CFAP44: variants seen among roughly 807,000 people sequenced by gnomAD.
CFAP44 encodes the protein cilia- and flagella-associated protein 44.
Under a neutral mutation model 216.2 loss-of-function variants are expected in CFAP44, and 134 were observed. The ratio of observed to expected loss-of-function variants is 0.62; its 90% CI spans 0.54 to 0.72. The LOEUF is 0.72. Among genes scored for constraint, CFAP44 ranks in the 30% least tolerant of loss-of-function variants. The pLI is 0.00. For synonymous variants in CFAP44, 700 were observed against 727.6 expected (o/e 0.96, Z 0.61); for missense variants, 2,035 against 2,182.1 (o/e 0.93, Z 1.34).
intron 5 of CFAP44, among the ~76,000 whole-genome samples, chr3:113,418,060 T>G (rs1408298249): frequency 6.9e-6 from 1 of 145,566 alleles, no homozygotes; most frequent in Non-Finnish European, 1.6e-5. Flanking sequence ...GAGACACAAT[T>G]TATTTATTTA....
chr3:113,353,394 G>C (rs1484165517), intron 22 of CFAP44, among the ~76,000 whole-genome samples: 3 of 149,404 alleles, frequency 2.0e-5, no homozygotes, highest in Non-Finnish European at 4.4e-5. Flanking sequence ...ATAAAATAAA[G>C]AACAGCCATG....
In CFAP44 at chr3:113,303,964, GTCTC is replaced by G; in HGVS notation, c.5025_5028del (p.Glu1675AspfsTer12). 6.5e-7 allele frequency: 1 copy of G among 1,537,544 alleles called. No individual in the cohort carries two copies. The highest frequency in any genetic ancestry group is 8.7e-7 in the Non-Finnish European group (1 of 1,147,008). On this transcript the variant is annotated frameshift_variant, in exon 32 of 35. Coordinates refer to ENST00000393845, the MANE Select transcript of CFAP44 (RefSeq NM_001164496.2). LOFTEE classifies it high-confidence loss of function. ...CTCTTTTCTCGGATGAGCTGTTTAC[GTCTC>G]TCTCTCCATTCTTTGTTAAGTTTTT...
chr3:113,303,601 C>T (rs747283841), intron 32 of CFAP44, among the ~76,000 whole-genome samples: 4 of 152,080 alleles, frequency 2.6e-5, no homozygotes, highest in Non-Finnish European at 2.9e-5. Context: ...GATGGGGCTT[C>T]GATTGTATCT....
intron 22 of CFAP44, among the ~76,000 whole-genome samples, chr3:113,358,302 T>C (rs1950509430): frequency 6.6e-6 from 1 of 152,078 alleles, no homozygotes; most frequent in Non-Finnish European, 1.5e-5. Flanking sequence ...ACGTATTTTA[T>C]GTAAATTATA....
chr3:113,294,557 C>T (rs1164980092), intron 34 of CFAP44, 130 bp downstream of exon 34: 2 of 1,215,388 alleles, frequency 1.6e-6, no homozygotes, highest in Non-Finnish European at 2.2e-6. Context: ...CTCGGGGACG[C>T]AGATGGTCTG....
rs1383810667 is a variant in CFAP44 at position 113,306,717 on chromosome 3, T to C, written c.4628-386A>G. On this transcript the variant is annotated intron_variant, in intron 29 of 34. Transcript: ENST00000393845. ...GGATTCAAGTGCATTATCTCTCTAT[T>C]ATTTCCACAATATCACACTAAGAGC... Among the ~76,000 whole-genome samples, 5 of 152,180 alleles carry C rather than the reference T, an allele frequency of 3.3e-5. No homozygotes were observed. In the East Asian group the frequency reaches 5.8e-4, roughly 18 times the overall value.
chr3:113,429,632 A>G (rs1935051692), intron 2 of CFAP44, among the ~76,000 whole-genome samples: 1 of 152,158 alleles, frequency 6.6e-6, no homozygotes, highest in South Asian at 2.1e-4. Context: ...AATTATTGAT[A>G]TGGTTAGATT....
chr3:113,303,941 C>T lies in CFAP44; in HGVS notation c.5052G>A (p.Lys1684=). 6.5e-7 allele frequency: 1 copy of T among 1,537,692 alleles called. No homozygotes were observed. Residue 1684 remains lysine (K), a synonymous_variant, in exon 32 of 35, where the codon AAG becomes AAA. Transcript: ENST00000393845. The stretch of plus-strand genomic sequence containing the variant: ...TGTGTATGGTTTTTGTCATTTCTCT[C>T]TTTTCTCGGATGAGCTGTTTACGTC... ...RERRKQLIRE[K]REMTKTIHKM...
chr3:113,373,606 A>T, intron 17 of CFAP44, 50 bp from the exon 18 acceptor site: 1 of 1,386,878 alleles, frequency 7.2e-7, no homozygotes, highest in Non-Finnish European at 9.5e-7. Context: ...TATAACACAC[A>T]TAAATGCATG....
At chr3:113,413,317 G>A (rs867488120) in intron 6 of CFAP44, among the ~76,000 whole-genome samples, 1 of 152,174 alleles carries the variant, frequency 6.6e-6, no homozygotes, top group African/African-American at 2.4e-5. Context: ...CTCTCTGTAG[G>A]TTGCTTGTTC....
At chr3:113,385,042 G>T (rs1327958883) in intron 15 of CFAP44, among the ~76,000 whole-genome samples, 1 of 152,188 alleles carries the variant, frequency 6.6e-6, no homozygotes, top group Non-Finnish European at 1.5e-5. Flanking sequence ...TTCCTGTGCT[G>T]TTTTCATGAC....
chr3:113,368,927 A>G (rs1429960804), intron 18 of CFAP44, among the ~76,000 whole-genome samples: 13 of 152,216 alleles, frequency 8.5e-5, no homozygotes, highest in Non-Finnish European at 1.3e-4. Flanking sequence ...CAAAAAAAGC[A>G]GAGGTTGCAA....
chr3:113,304,915 G>A, intron 31 of CFAP44, 121 bp downstream of exon 31: 2 of 767,170 alleles, frequency 2.6e-6, no homozygotes, highest in East Asian at 2.7e-5. Flanking sequence ...CATTCTACAG[G>A]TGGAATTCTC....
chr3:113,351,646 G>A (rs1040237456), intron 22 of CFAP44, among the ~76,000 whole-genome samples: 14 of 152,132 alleles, frequency 9.2e-5, no homozygotes, highest in African/African-American at 2.7e-4. Flanking sequence ...GGGATAGTAC[G>A]AGATGCCAAC....
intron 22 of CFAP44, among the ~76,000 whole-genome samples, chr3:113,351,975 G>A (rs1222591759): frequency 6.6e-6 from 1 of 152,128 alleles, no homozygotes; most frequent in East Asian, 1.9e-4. Context: ...TACAACTACA[G>A]GGCCCCTTCT....
chr3:113,417,798 C>T (rs768554516), intron 5 of CFAP44, among the ~76,000 whole-genome samples: 26 of 152,110 alleles, frequency 1.7e-4, no homozygotes, highest in Admixed American at 5.9e-4. Flanking sequence ...GTATCAGAGT[C>T]AAGAAGCAAA....
At position 113,418,847 on chromosome 3, in the gene CFAP44, G is replaced by T. The variant is rs1420357824; in HGVS notation, c.570+1170C>A. ...AGGCTCCTGAGTAGCCGGGATTACAGGCGCGTGCCACCATGCCTGGCTAAT... is the reference window on the plus strand; with the variant it reads ...AGGCTCCTGAGTAGCCGGGATTACATGCGCGTGCCACCATGCCTGGCTAAT... On this transcript the variant is annotated intron_variant, in intron 5 of 34. Coordinates refer to ENST00000393845, the MANE Select transcript of CFAP44 (RefSeq NM_001164496.2). 3.3e-5 allele frequency among the ~76,000 whole-genome samples: 5 copies of T among 151,984 alleles called. No individual in the cohort carries two copies. The East Asian group carries it at 9.7e-4, about 29-fold the overall frequency.
intron 15 of CFAP44, among the ~76,000 whole-genome samples, chr3:113,391,291 T>C (rs927095750): frequency 1.3e-5 from 2 of 152,164 alleles, no homozygotes; most frequent in Non-Finnish European, 2.9e-5. Context: ...GATATCCATA[T>C]GCAGAAGAAT....
Position 113,358,804 on chromosome 3 carries a change from T to C in CFAP44, c.3006A>G (p.Glu1002=). ...TCTCTTTTTCCCAAGCTAATTCCTT[T>C]TCCACTTGTTGAATTTTGAAAGCTG... ...RKTAFKIQQV[E]KELAWEKEKH... is the part of the protein sequence containing the mutation. The change falls in exon 22 of 35, where the codon GAA becomes GAG. Residue 1002 remains glutamate (E), a synonymous_variant. Transcript: ENST00000393845. 6.5e-7 allele frequency: 1 copy of C among 1,536,908 alleles called. No homozygotes were observed. The highest frequency in any genetic ancestry group is 8.7e-7 in the Non-Finnish European group (1 of 1,146,626).
Sources: allele counts gnomAD v4.1 joint callset (sites outside exome capture counted in the v4.1 genomes callset), GRCh38; gene constraint gnomAD v4.1.1; transcripts MANE v1.5; gene names NCBI Gene and HGNC (gene_info 2026-07-23, HGNC 2026-07-21).